Variants in UGT8 observed in about 807,000 individuals in gnomAD.
UGT8 encodes 2-hydroxyacylsphingosine 1-beta-galactosyltransferase.
A neutral mutation model predicts 40.5 loss-of-function variants in UGT8; 12 were observed. The observed-to-expected ratio is 0.30, with a 90% confidence interval of 0.19 to 0.48. The LOEUF (loss-of-function observed/expected upper bound fraction) is 0.48, where lower values mean the gene tolerates loss of function less well. Ranked by LOEUF, UGT8 falls within the 20% of genes least tolerant of loss-of-function variation. UGT8 has a pLI of 0.99. For missense variants in UGT8, 513 were observed against 648.7 expected (o/e 0.79, Z 2.27); for synonymous variants, 224 against 240.4 (o/e 0.93, Z 0.63).
chr4:114,664,424 G>A (rs910436876), intron 3 of UGT8, among the ~76,000 whole-genome samples: 8 of 151,956 alleles, frequency 5.3e-5, no homozygotes, highest in Non-Finnish European at 8.8e-5. Context: ...TTCTACCCTC[G>A]TTTACTCTTT....
chr4:114,634,740 A>G (rs1470420109), intron 2 of UGT8, among the ~76,000 whole-genome samples: 1 of 152,230 alleles, frequency 6.6e-6, no homozygotes, highest in Non-Finnish European at 1.5e-5. Context: ...CCAGGTGAAT[A>G]TCTAGTCCTT....
intron 2 of UGT8, among the ~76,000 whole-genome samples, chr4:114,656,257 G>GA (rs888407885): frequency 2.0e-5 from 3 of 151,724 alleles, no homozygotes; most frequent in Non-Finnish European, 4.4e-5. Flanking sequence ...TGATTATCAT[G>GA]AAAAAAATTG....
intron 1 of UGT8, among the ~76,000 whole-genome samples, chr4:114,609,527 T>C (rs919661279): frequency 1.3e-5 from 2 of 152,144 alleles, no homozygotes; most frequent in African/African-American, 4.8e-5. Context: ...GCTTGCTTTT[T>C]TTCTCTCCCT....
chr4:114,635,791 C>T (rs985669978), intron 2 of UGT8, among the ~76,000 whole-genome samples: 1 of 152,022 alleles, frequency 6.6e-6, no homozygotes, highest in African/African-American at 2.4e-5. Context: ...ATTTAAAGAG[C>T]AGAAATGTAT....
intron 2 of UGT8, among the ~76,000 whole-genome samples, chr4:114,657,792 T>C (rs937449615): frequency 3.3e-5 from 5 of 152,164 alleles, no homozygotes; most frequent in Non-Finnish European, 7.3e-5. Flanking sequence ...AATTTTTAGT[T>C]GACAAAGCAC....
At chr4:114,635,202 T>G (rs1295915839) in intron 2 of UGT8, among the ~76,000 whole-genome samples, 1 of 152,010 alleles carries the variant, frequency 6.6e-6, no homozygotes, top group Non-Finnish European at 1.5e-5. Context: ...AATACAAAAA[T>G]TAGCTGAGCA....
At chr4:114,666,032 T>C (rs1464615384) in intron 4 of UGT8, among the ~76,000 whole-genome samples, 1 of 152,140 alleles carries the variant, frequency 6.6e-6, no homozygotes, top group African/African-American at 2.4e-5. Context: ...ATCTGGAAAT[T>C]ATGTACTTAA....
At chr4:114,663,163 A>G (rs1734656330) in intron 2 of UGT8, among the ~76,000 whole-genome samples, 1 of 152,058 alleles carries the variant, frequency 6.6e-6, no homozygotes, top group South Asian at 2.1e-4. Context: ...TTAGCTACAA[A>G]TCACGTTATG....
chr4:114,658,102 AT>A (rs1199063306), intron 2 of UGT8, among the ~76,000 whole-genome samples: 1 of 152,174 alleles, frequency 6.6e-6, no homozygotes, highest in Non-Finnish European at 1.5e-5. Context: ...ATATCCCAAG[AT>A]TTTTTTAAGA....
At chr4:114,602,561 A>C (rs1730503986) in intron 1 of UGT8, among the ~76,000 whole-genome samples, 1 of 152,252 alleles carries the variant, frequency 6.6e-6, no homozygotes, top group African/African-American at 2.4e-5. Flanking sequence ...TGTTAAAAGC[A>C]TACTGTGTGC....
At chr4:114,602,011 A>G (rs1331105526) in intron 1 of UGT8, among the ~76,000 whole-genome samples, 2 of 151,968 alleles carry the variant, frequency 1.3e-5, no homozygotes, top group African/African-American at 2.4e-5. Flanking sequence ...TACGTGCTTT[A>G]TTTGTGGTTT....
chr4:114,611,546 T>TATATATATAC, intron 1 of UGT8, among the ~76,000 whole-genome samples: 1 of 140,638 alleles, frequency 7.1e-6, no homozygotes, highest in South Asian at 2.2e-4. Context: ...TATATATATA[T>TATATATATAC]ACACACACAC....
At chr4:114,601,334 C>T (rs1730429622) in intron 1 of UGT8, among the ~76,000 whole-genome samples, 1 of 152,028 alleles carries the variant, frequency 6.6e-6, no homozygotes, top group African/African-American at 2.4e-5. Flanking sequence ...GCTAAAAATC[C>T]CATCTTCAAT....
chr4:114,638,113 T>C (rs957851569), intron 2 of UGT8, among the ~76,000 whole-genome samples: 20 of 152,208 alleles, frequency 1.3e-4, no homozygotes, highest in Non-Finnish European at 2.8e-4. Context: ...AAAAATACCC[T>C]TTTATCATTA....
intron 2 of UGT8, among the ~76,000 whole-genome samples, chr4:114,638,895 G>C (rs867899688): frequency 6.6e-6 from 1 of 152,090 alleles, no homozygotes; most frequent in African/African-American, 2.4e-5. Flanking sequence ...AGCTCACTGA[G>C]GATTTCTCAC....
At chr4:114,620,939 G>A (rs1731745760) in intron 1 of UGT8, among the ~76,000 whole-genome samples, 2 of 152,152 alleles carry the variant, frequency 1.3e-5, no homozygotes, top group South Asian at 4.1e-4. Flanking sequence ...TTGGTGATGT[G>A]TGTATAAATC....
intron 1 of UGT8, among the ~76,000 whole-genome samples, chr4:114,619,017 AT>A (rs1276348879): frequency 6.6e-6 from 1 of 152,106 alleles, no homozygotes; most frequent in Non-Finnish European, 1.5e-5. Flanking sequence ...GGGTTTTAAA[AT>A]ATGTTTTAAG....
intron 1 of UGT8, among the ~76,000 whole-genome samples, chr4:114,613,234 ATAGTCT>A (rs555808553): frequency 9.3e-4 from 141 of 152,282 alleles, no homozygotes; most frequent in African/African-American, 3.2e-3. Flanking sequence ...AACTGAAAAG[ATAGTCT>A]TAGATTACCA....
chr4:114,599,674 CGGGCCCCCGGG>C (rs2126080279), intron 1 of UGT8, among the ~76,000 whole-genome samples: 1 of 152,202 alleles, frequency 6.6e-6, no homozygotes, highest in East Asian at 1.9e-4. Context: ...GAAGCCTGTG[CGGGCCCCCGGG>C]ATTAGAGAAG....
Sources: allele counts gnomAD v4.1 joint callset (sites outside exome capture counted in the v4.1 genomes callset), GRCh38; gene constraint gnomAD v4.1.1; transcripts MANE v1.5; gene names NCBI Gene and HGNC (gene_info 2026-07-23, HGNC 2026-07-21).